NKAIN3: variants seen among roughly 807,000 people sequenced by gnomAD.
The protein encoded by NKAIN3 is sodium/potassium transporting ATPase interacting 3.
A neutral mutation model predicts 30.2 loss-of-function variants in NKAIN3; 25 were observed. The ratio of observed to expected loss-of-function variants is 0.83; its 90% CI spans 0.60 to 1.16. NKAIN3 has a LOEUF of 1.16. Among genes scored for constraint, NKAIN3 ranks in the 50% most tolerant of loss-of-function variants. The probability of loss-of-function intolerance (pLI) is 0.00; values close to 1 mark genes in which losing one functional copy is unlikely to be tolerated. For missense variants in NKAIN3, 225 were observed against 254.1 expected (o/e 0.89, Z 0.78); for synonymous variants, 91 against 89.6 (o/e 1.02, Z -0.09).
At chr8:62,888,617 T>C (rs568394396) in intron 4 of NKAIN3, among the ~76,000 whole-genome samples, 1 of 152,336 alleles carries the variant, frequency 6.6e-6, no homozygotes, top group South Asian at 2.1e-4. Flanking sequence ...TTTTTCTAGC[T>C]TTTATTGTTG....
intron 1 of NKAIN3, among the ~76,000 whole-genome samples, chr8:62,410,317 C>T (rs117016948): frequency 0.01 from 1,544 of 152,220 alleles, 13 homozygotes; most frequent in Non-Finnish European, 0.015. Flanking sequence ...GTGTAGTATT[C>T]CATGGTGTGT....
chr8:62,840,424 CAAA>C (rs35484656), intron 4 of NKAIN3, among the ~76,000 whole-genome samples: 4 of 142,822 alleles, frequency 2.8e-5, no homozygotes, highest in South Asian at 2.2e-4. Context: ...TGGAGGGTCA[CAAA>C]AAAAAAAAAA....
chr8:62,863,894 T>G lies in NKAIN3; in HGVS notation c.472-54559T>G, dbSNP rs1340274871. The G allele has an allele frequency of 6.5e-5, 90 of 1,384,338 alleles. 2 individuals are homozygous for G. In the South Asian group the frequency reaches 1.0e-3, roughly 16 times the overall value. The allele number at this position is 1,384,338 out of a possible 1,614,324, so 85.8% of individuals were successfully genotyped here. On this transcript the variant is annotated intron_variant, in intron 4 of 6. Coordinates refer to ENST00000623646, the MANE Select transcript of NKAIN3 (RefSeq NM_001304533.3). ...GTCCGCAGGGTCCTCTTGCTCATCA[T>G]CTGATCCAGGATCTCCTCCTTTGGC...
intron 5 of NKAIN3, among the ~76,000 whole-genome samples, chr8:62,926,483 C>T (rs1340609230): frequency 2.0e-5 from 3 of 152,152 alleles, no homozygotes; most frequent in South Asian, 2.1e-4. Context: ...ACATGTGAGC[C>T]GCCCAACCCG....
At chr8:62,883,458 T>TTGTTGTTG (rs779911371) in intron 4 of NKAIN3, among the ~76,000 whole-genome samples, 1 of 31,510 alleles carries the variant, frequency 3.2e-5, no homozygotes, top group Non-Finnish European at 5.9e-5. Flanking sequence ...GTTTTATGGG[T>TTGTTGTTG]TTTTTTTTTT....
intron 1 of NKAIN3, among the ~76,000 whole-genome samples, chr8:62,521,404 G>A (rs564697670): frequency 5.9e-5 from 9 of 152,218 alleles, no homozygotes; most frequent in African/African-American, 1.9e-4. Flanking sequence ...CAAGCACTTA[G>A]CTATGAATGC....
At chr8:62,518,582 A>G (rs1563436626) in intron 1 of NKAIN3, among the ~76,000 whole-genome samples, 1 of 152,164 alleles carries the variant, frequency 6.6e-6, no homozygotes, top group Non-Finnish European at 1.5e-5. Flanking sequence ...AGGAGTATTG[A>G]GAATATATGA....
At chr8:62,557,659 T>A (rs780583893) in intron 1 of NKAIN3, among the ~76,000 whole-genome samples, 3 of 152,154 alleles carry the variant, frequency 2.0e-5, no homozygotes, top group Non-Finnish European at 4.4e-5. Context: ...TGATCATTAG[T>A]GATGTTGAGC....
In NKAIN3 at chr8:62,804,283, T is replaced by C. The variant is rs149640510; in HGVS notation, c.471+57154T>C. ...TTTTATGAGGCCAGCATCATCCTGA[T>C]ACCAAAGCCAGGCAGAGACACAACC... On this transcript the variant is annotated intron_variant, in intron 4 of 6. Transcript: ENST00000623646. Among the ~76,000 whole-genome samples the C allele has an allele frequency of 7.9e-4, 120 of 152,240 alleles. 1 individual carries two copies. Among genetic ancestry groups the C allele is most frequent in the African/African-American group, 2.6e-3 (106 of 41,532 alleles).
chr8:62,874,275 A>T (rs957540354), intron 4 of NKAIN3, among the ~76,000 whole-genome samples: 1 of 152,156 alleles, frequency 6.6e-6, no homozygotes, highest in African/African-American at 2.4e-5. Context: ...ACCAAGACTA[A>T]ACCAAGAGGA....
At chr8:62,883,457 G>GTTGTTTTTTTTTTGTTTTTTTTTT in intron 4 of NKAIN3, among the ~76,000 whole-genome samples, 1 of 70,226 alleles carries the variant, frequency 1.4e-5, no homozygotes. Flanking sequence ...AGTTTTATGG[G>GTTGTTTTTTTTTTGTTTTTTTTTT]TTTTTTTTTT....
At chr8:62,517,006 CCTAAA>C (rs1042377767) in intron 1 of NKAIN3, among the ~76,000 whole-genome samples, 3 of 151,980 alleles carry the variant, frequency 2.0e-5, no homozygotes, top group African/African-American at 7.3e-5. Context: ...TGATTTCCTA[CCTAAA>C]CTATTCTCTT....
intron 3 of NKAIN3, among the ~76,000 whole-genome samples, chr8:62,618,019 C>T (rs886699816): frequency 2.6e-5 from 4 of 152,166 alleles, no homozygotes; most frequent in Admixed American, 6.5e-5. Flanking sequence ...ATATGGCTTT[C>T]GTCTGGAATT....
At chr8:62,633,479 A>G (rs1812030262) in intron 3 of NKAIN3, among the ~76,000 whole-genome samples, 2 of 152,150 alleles carry the variant, frequency 1.3e-5, no homozygotes, top group South Asian at 4.1e-4. Context: ...CAATAATAGT[A>G]TTCACCATGC....
intron 1 of NKAIN3, among the ~76,000 whole-genome samples, chr8:62,492,287 A>C (rs1448878224): frequency 1.3e-5 from 2 of 152,128 alleles, no homozygotes; most frequent in Non-Finnish European, 2.9e-5. Context: ...TTTACTAGGT[A>C]TAATGTTGGA....
chr8:62,856,893 G>C, intron 4 of NKAIN3: 1 of 585,154 alleles, frequency 1.7e-6, no homozygotes, highest in South Asian at 1.7e-5. Flanking sequence ...GGATACACTG[G>C]ATGCTCATGT....
intron 1 of NKAIN3, among the ~76,000 whole-genome samples, chr8:62,397,432 C>T (rs551959464): frequency 2.6e-5 from 4 of 152,008 alleles, no homozygotes; most frequent in African/African-American, 9.6e-5. Flanking sequence ...GACAATAACT[C>T]ACTTAGATCT....
At position 62,965,740 on chromosome 8, in the gene NKAIN3, A is replaced by T; in HGVS notation, c.*333A>T. 2 of 985,024 alleles carry T rather than the reference A, an allele frequency of 2.0e-6. No homozygotes were observed. The highest frequency in any genetic ancestry group is 1.2e-6 in the Non-Finnish European group (1 of 829,546). 61.0% of individuals were successfully genotyped at this position (985,024 alleles called of 1,614,324 possible). A position where few individuals can be genotyped will look rare whatever the true frequency, so the allele number is the denominator to read the frequency against. On this transcript the variant is annotated 3_prime_UTR_variant, in exon 7 of 7. Transcript: ENST00000623646. The stretch of plus-strand genomic sequence containing the variant: ...ACCTTCTACAGTCAATTCTAAGAGA[A>T]ATCTCAGTGTGTGCTGTGGAGATGT...
chr8:62,664,591 GA>G (rs1813040452), intron 3 of NKAIN3, among the ~76,000 whole-genome samples: 1 of 152,074 alleles, frequency 6.6e-6, no homozygotes, highest in South Asian at 2.1e-4. Context: ...CTGGAATCCT[GA>G]TATTACTGCA....
Sources: allele counts gnomAD v4.1 joint callset (sites outside exome capture counted in the v4.1 genomes callset), GRCh38; gene constraint gnomAD v4.1.1; transcripts MANE v1.5; gene names NCBI Gene and HGNC (gene_info 2026-07-23, HGNC 2026-07-21).